Variants in SULF1 observed in about 807,000 individuals in gnomAD.
SULF1 encodes the protein extracellular sulfatase Sulf-1.
SULF1 carries 46 observed loss-of-function variants against 110.5 expected under a neutral mutation model. That is an observed-to-expected ratio of 0.42 (90% confidence interval 0.33 to 0.53). SULF1 has a LOEUF of 0.53. SULF1 is among the 20% of genes least tolerant of loss of function. SULF1 has a pLI of 0.12. For synonymous variants in SULF1, 371 were observed against 387.1 expected (o/e 0.96, Z 0.49); for missense variants, 941 against 1,094.2 (o/e 0.86, Z 1.98).
intron 11 of SULF1, 127 bp from the exon 12 acceptor site, chr8:69,603,473 C>A: frequency 7.4e-7 from 1 of 1,359,492 alleles, no homozygotes; most frequent in Non-Finnish European, 1.0e-6. Context: ...TTGTGAATAG[C>A]ATATTGATGG....
At chr8:69,533,036 A>T (rs1291521224) in intron 3 of SULF1, among the ~76,000 whole-genome samples, 1 of 152,246 alleles carries the variant, frequency 6.6e-6, no homozygotes, top group Non-Finnish European at 1.5e-5. Context: ...TGGCCACATG[A>T]TCAAGAACAC....
chr8:69,604,782 GC>G lies in SULF1; in HGVS notation c.1248-20del. Reference sequence around the variant, plus strand: ...ATTCAGATCACTTCTCATGTACGAAGCTTTTCCCTTTTTGTCGAAGCAAATT... The same window carrying G: ...ATTCAGATCACTTCTCATGTACGAAGTTTTCCCTTTTTGTCGAAGCAAATT... On this transcript the variant is annotated intron_variant, in intron 12 of 22. Transcript: ENST00000402687. The G allele has an allele frequency of 6.2e-7, 1 of 1,613,478 alleles. No homozygotes were observed. Among genetic ancestry groups the G allele is most frequent in the Non-Finnish European group, 8.5e-7 (1 of 1,179,824 alleles).
chr8:69,603,800 A>G (rs1377076548), intron 12 of SULF1, 144 bp downstream of exon 12: 2 of 667,120 alleles, frequency 3.0e-6, no homozygotes, highest in African/African-American at 1.8e-5. Flanking sequence ...TTTGCTGCTT[A>G]TTCTGTAGTG....
intron 3 of SULF1, among the ~76,000 whole-genome samples, chr8:69,510,330 C>G (rs1811467226): frequency 6.6e-6 from 1 of 152,162 alleles, no homozygotes; most frequent in Non-Finnish European, 1.5e-5. Flanking sequence ...ATTTGGGAGC[C>G]AGACTGCCAG....
At chr8:69,501,807 A>G (rs1201697168) in intron 2 of SULF1, 67 bp from the exon 3 acceptor site, 1 of 152,222 alleles carries the variant, frequency 6.6e-6, no homozygotes. Flanking sequence ...AAAGGGCAAC[A>G]TCTGAAAGAT....
At chr8:69,498,663 A>C (rs1355565416) in intron 2 of SULF1, among the ~76,000 whole-genome samples, 1 of 152,216 alleles carries the variant, frequency 6.6e-6, no homozygotes, top group Non-Finnish European at 1.5e-5. Flanking sequence ...AGAGGCTGTC[A>C]GAAAATGAGA....
At chr8:69,634,115 A>G (rs932416886) in intron 19 of SULF1, among the ~76,000 whole-genome samples, 2 of 152,332 alleles carry the variant, frequency 1.3e-5, no homozygotes, top group Non-Finnish European at 1.5e-5. Flanking sequence ...CATTTTTAAG[A>G]TATTATCTTT....
chr8:69,576,651 G>T (rs1252587599), intron 6 of SULF1, among the ~76,000 whole-genome samples: 1 of 152,118 alleles, frequency 6.6e-6, no homozygotes, highest in East Asian at 1.9e-4. Context: ...TTTCAAGAGG[G>T]GTAGTGAACA....
At chr8:69,645,798 T>C (rs956215443) in intron 22 of SULF1, among the ~76,000 whole-genome samples, 3 of 152,142 alleles carry the variant, frequency 2.0e-5, no homozygotes, top group Non-Finnish European at 4.4e-5. Context: ...CCAGGGCCTA[T>C]TTTATGGAGT....
Position 69,623,871 on chromosome 8 carries a change from C to G in SULF1, c.1595-71C>G, listed in dbSNP as rs1159528586. The G allele has an allele frequency of 7.2e-6, 11 of 1,537,448 alleles. No individual in the cohort carries two copies. In the Admixed American group the frequency reaches 1.8e-4, roughly 26 times the overall value. On this transcript the variant is annotated intron_variant, in intron 14 of 22. Transcript: ENST00000402687. ...CTCCACTCCAGGATCCCTTCTGGAC[C>G]AGGTGATCACTTTCTTCCCTTGTAA...
chr8:69,524,484 C>G (rs1259158328), intron 3 of SULF1, among the ~76,000 whole-genome samples: 1 of 152,096 alleles, frequency 6.6e-6, no homozygotes, highest in Non-Finnish European at 1.5e-5. Flanking sequence ...GAACTCAAAG[C>G]AAGAACTCAC....
chr8:69,586,245 T>C, intron 6 of SULF1, 112 bp from the exon 7 acceptor site: 1 of 1,142,178 alleles, frequency 8.8e-7, no homozygotes, highest in Non-Finnish European at 1.2e-6. Context: ...CACTATTACC[T>C]AGGGCAACTT....
At chr8:69,528,166 A>G (rs1185331588) in intron 3 of SULF1, among the ~76,000 whole-genome samples, 2 of 152,158 alleles carry the variant, frequency 1.3e-5, no homozygotes, top group South Asian at 2.1e-4. Flanking sequence ...AAAAATGAGG[A>G]GTTCAGAGTT....
chr8:69,616,059 CACAT>C (rs1291059413), intron 13 of SULF1, among the ~76,000 whole-genome samples: 1 of 149,724 alleles, frequency 6.7e-6, no homozygotes, highest in African/African-American at 2.5e-5. Flanking sequence ...TATATACACA[CACAT>C]ATATATGTGT....
chr8:69,655,119 T>C (rs1452706582), intron 22 of SULF1, among the ~76,000 whole-genome samples: 1 of 152,250 alleles, frequency 6.6e-6, no homozygotes, highest in African/African-American at 2.4e-5. Context: ...GACCCTGATC[T>C]ATCCCGTCGG....
At chr8:69,627,976 G>A (rs1051191309) in intron 17 of SULF1, 110 bp downstream of exon 17, 1 of 941,210 alleles carries the variant, frequency 1.1e-6, no homozygotes, top group African/African-American at 1.7e-5. Context: ...TATTGTCATA[G>A]AGTACGATAA....
chr8:69,621,258 C>T lies in SULF1; in HGVS notation c.1594+7C>T, dbSNP rs1345693116. The T allele has an allele frequency of 6.2e-6, 10 of 1,607,722 alleles. No homozygotes were observed. Among genetic ancestry groups the T allele is most frequent in the Non-Finnish European group, 7.7e-6 (9 of 1,176,300 alleles). ...AGAAACCAGGGGACTCCAAGTAAGC[C>T]ACGCTTTTGTGACCATCTCAATGGT... On this transcript the variant is annotated splice_region_variant and intron_variant, in intron 14 of 22. Coordinates refer to ENST00000402687, the MANE Select transcript of SULF1 (RefSeq NM_001128205.2).
chr8:69,545,275 A>G (rs552131527), intron 3 of SULF1, among the ~76,000 whole-genome samples: 1 of 152,250 alleles, frequency 6.6e-6, no homozygotes, highest in Non-Finnish European at 1.5e-5. Context: ...TCCTATTTCA[A>G]ATATAAACCA....
intron 5 of SULF1, among the ~76,000 whole-genome samples, chr8:69,569,048 C>T (rs925326564): frequency 6.6e-6 from 1 of 152,124 alleles, no homozygotes. Flanking sequence ...GGCTCTAAAT[C>T]TTTCCCAAAT....
Sources: allele counts gnomAD v4.1 joint callset (sites outside exome capture counted in the v4.1 genomes callset), GRCh38; gene constraint gnomAD v4.1.1; transcripts MANE v1.5; gene names NCBI Gene and HGNC (gene_info 2026-07-23, HGNC 2026-07-21).